Variants in DOCK2 observed in about 807,000 individuals in gnomAD.
The protein encoded by DOCK2 is dedicator of cytokinesis protein 2.
DOCK2 carries 87 observed loss-of-function variants against 248.9 expected under a neutral mutation model. That is an observed-to-expected ratio of 0.35 (90% CI 0.29 to 0.42). The LOEUF is 0.42. Among genes scored for constraint, DOCK2 ranks in the 10% least tolerant of loss-of-function variants. The probability of loss-of-function intolerance (pLI) is 1.00; values close to 1 mark genes in which losing one functional copy is unlikely to be tolerated. For missense variants in DOCK2, 1,747 were observed against 2,300.2 expected (o/e 0.76, Z 4.92); for synonymous variants, 805 against 821.6 (o/e 0.98, Z 0.35).
chr5:169,640,527 G>C (rs769712427), intron 1 of DOCK2, among the ~76,000 whole-genome samples: 1 of 152,200 alleles, frequency 6.6e-6, no homozygotes, highest in Non-Finnish European at 1.5e-5. Flanking sequence ...GTACTCAAAG[G>C]GTTGGTTTGA....
At chr5:170,067,806 A>G in intron 45 of DOCK2, 120 bp downstream of exon 45, 4 of 1,127,826 alleles carry the variant, frequency 3.5e-6, no homozygotes, top group Non-Finnish European at 5.0e-6. Context: ...TTGTCCCCAG[A>G]GGGACCCTCA....
intron 28 of DOCK2, among the ~76,000 whole-genome samples, chr5:169,985,362 T>C (rs1404580209): frequency 1.3e-5 from 2 of 148,630 alleles, no homozygotes; most frequent in South Asian, 4.2e-4. Context: ...TGTGTGTGTG[T>C]GTGTGTGTGT....
At chr5:169,909,113 C>T (rs1418144211) in intron 27 of DOCK2, among the ~76,000 whole-genome samples, 3 of 152,188 alleles carry the variant, frequency 2.0e-5, no homozygotes, top group South Asian at 2.1e-4. Flanking sequence ...TGGATGATTT[C>T]ATCACCTTTG....
chr5:170,049,480 T>C (rs1756839085), intron 40 of DOCK2, among the ~76,000 whole-genome samples: 1 of 152,158 alleles, frequency 6.6e-6, no homozygotes, highest in Admixed American at 6.5e-5. Flanking sequence ...AGCACTGATA[T>C]GTAGAGATGT....
chr5:169,806,874 C>T (rs1391577967), intron 26 of DOCK2, among the ~76,000 whole-genome samples: 1 of 150,622 alleles, frequency 6.6e-6, no homozygotes, highest in African/African-American at 2.5e-5. Context: ...CATCCCCCCG[C>T]CCCCCCACTG....
intron 46 of DOCK2, among the ~76,000 whole-genome samples, chr5:170,074,511 G>A (rs193195643): frequency 1.2e-4 from 18 of 152,276 alleles, no homozygotes; most frequent in African/African-American, 3.6e-4. Flanking sequence ...CTCTCTACAT[G>A]GGACCATTCA....
At chr5:169,799,603 CA>C (rs762734600) in intron 25 of DOCK2, among the ~76,000 whole-genome samples, 29 of 152,280 alleles carry the variant, frequency 1.9e-4, no homozygotes, top group South Asian at 1.2e-3. Flanking sequence ...TATTGTAAGA[CA>C]TTTTTTTACC....
At chr5:170,024,914 C>A (rs1755851814) in intron 33 of DOCK2, among the ~76,000 whole-genome samples, 1 of 152,162 alleles carries the variant, frequency 6.6e-6, no homozygotes, top group Non-Finnish European at 1.5e-5. Flanking sequence ...CTGGCAGGCT[C>A]TTTTGTGATC....
At chr5:169,759,065 G>T (rs1020547065) in intron 23 of DOCK2, among the ~76,000 whole-genome samples, 1 of 152,220 alleles carries the variant, frequency 6.6e-6, no homozygotes, top group African/African-American at 2.4e-5. Flanking sequence ...CAGGGGGTGA[G>T]TGTGGCTCCT....
intron 46 of DOCK2, among the ~76,000 whole-genome samples, chr5:170,069,748 C>T (rs1373903086): frequency 6.6e-6 from 1 of 152,224 alleles, no homozygotes; most frequent in Admixed American, 6.5e-5. Context: ...AGCCGCTGCT[C>T]AGCCCACGGG....
chr5:169,837,070 C>T (rs944052339), intron 26 of DOCK2, among the ~76,000 whole-genome samples: 6 of 152,126 alleles, frequency 3.9e-5, no homozygotes, highest in African/African-American at 9.7e-5. Flanking sequence ...AGTCCCCATC[C>T]ACTCCCAGCT....
intron 44 of DOCK2, 131 bp from the exon 45 acceptor site, chr5:170,067,379 T>G: frequency 3.5e-6 from 3 of 865,556 alleles, no homozygotes; most frequent in South Asian, 2.0e-5. Flanking sequence ...AATTACAAGA[T>G]CCTGTTACAG....
chr5:169,672,408 G>T (rs532401277), intron 5 of DOCK2, among the ~76,000 whole-genome samples: 34 of 152,158 alleles, frequency 2.2e-4, no homozygotes, highest in Admixed American at 1.3e-4. Context: ...ACTCTAGTCA[G>T]GAGATCCTTC....
At position 170,077,895 on chromosome 5, in the gene DOCK2, C is replaced by A. The variant is rs142836915; in HGVS notation, c.4994+58C>A. 1.9e-5 allele frequency: 27 copies of A among 1,411,454 alleles called. No homozygotes were observed. In the East Asian group the frequency reaches 3.0e-4, roughly 16 times the overall value. The allele number at this position is 1,411,454 out of a possible 1,614,324, so 87.4% of individuals were successfully genotyped here. ...CCCCTGCCTCCCTGGCTCTATCCCCCCTCCTTCTCTCTCTTCTCCGGCAAC... is the reference window on the plus strand; with the variant it reads ...CCCCTGCCTCCCTGGCTCTATCCCCACTCCTTCTCTCTCTTCTCCGGCAAC... On this transcript the variant is annotated intron_variant, in intron 48 of 51. Coordinates refer to ENST00000520908, the MANE Select transcript of DOCK2 (RefSeq NM_004946.3).
chr5:169,947,767 G>A (rs953392076), intron 27 of DOCK2, among the ~76,000 whole-genome samples: 4 of 152,198 alleles, frequency 2.6e-5, no homozygotes, highest in Non-Finnish European at 4.4e-5. Flanking sequence ...TAGAGGGGAG[G>A]AGCAGGACCA....
chr5:169,658,529 G>C (rs1758258147), intron 2 of DOCK2, among the ~76,000 whole-genome samples: 1 of 149,046 alleles, frequency 6.7e-6, no homozygotes, highest in Non-Finnish European at 1.5e-5. Context: ...TTCACCATAT[G>C]CTCATTTTTA....
At position 169,642,838 on chromosome 5, in the gene DOCK2, T is replaced by C. The variant is rs1757222782; in HGVS notation, c.43+5469T>C. Among the ~76,000 whole-genome samples, 3 of 152,236 alleles carry C rather than the reference T, an allele frequency of 2.0e-5. 1 individual carries two copies. The South Asian group carries it at 6.2e-4, about 32-fold the overall frequency. On this transcript the variant is annotated intron_variant, in intron 1 of 51. Transcript: ENST00000520908. Reference sequence around the variant, plus strand: ...AATGAGCCTTGAAGACAGATTGTGTTTTCTAAGCTCTGCTTCCTCCTGAGA... The same window carrying C: ...AATGAGCCTTGAAGACAGATTGTGTCTTCTAAGCTCTGCTTCCTCCTGAGA...
In DOCK2 at chr5:170,029,855, C is replaced by CCCAA. The variant is rs551942023; in HGVS notation, c.3467+1908_3467+1911dup. 2.7e-3 allele frequency among the ~76,000 whole-genome samples: 406 copies of CCCAA among 152,348 alleles called. 6 individuals carry two copies. In the South Asian group the frequency reaches 0.044, roughly 17 times the overall value. ...CCCTACAATGAGCCTCTCGACCCTGCCCAAGCAGGCAGAGCCCAGAGGACA... is the reference window on the plus strand; with the variant it reads ...CCCTACAATGAGCCTCTCGACCCTGCCCAACCAAGCAGGCAGAGCCCAGAGGACA... On this transcript the variant is annotated intron_variant, in intron 34 of 51. Transcript: ENST00000520908.
intron 34 of DOCK2, among the ~76,000 whole-genome samples, chr5:170,032,261 C>T (rs181509697): frequency 2.4e-4 from 37 of 152,202 alleles, no homozygotes; most frequent in South Asian, 4.2e-4. Context: ...CTCCTGACCT[C>T]GTGATCTGCC....
Sources: allele counts gnomAD v4.1 joint callset (sites outside exome capture counted in the v4.1 genomes callset), GRCh38; gene constraint gnomAD v4.1.1; transcripts MANE v1.5; gene names NCBI Gene and HGNC (gene_info 2026-07-23, HGNC 2026-07-21).